The following PPARA variants were observed in gnomAD, a reference collection of about 807,000 sequenced individuals.
PPARA encodes the protein peroxisome proliferator-activated receptor alpha.
A neutral mutation model predicts 42.2 loss-of-function variants in PPARA; 22 were observed. That is an observed-to-expected ratio of 0.52 (90% CI 0.37 to 0.74). The LOEUF (loss-of-function observed/expected upper bound fraction) is 0.74, where lower values mean the gene tolerates loss of function less well. Ranked by LOEUF, PPARA falls within the 30% of genes least tolerant of loss-of-function variation. The pLI, the probability that PPARA is intolerant of heterozygous loss-of-function variation, is 0.00. For synonymous variants in PPARA, 242 were observed against 239.3 expected, an observed-to-expected ratio of 1.01 and a Z score of -0.10; for missense variants, 465 against 608.2, an observed-to-expected ratio of 0.76 and a Z score of 2.48.
chr22:46,208,313 C>T (rs530660229), intron 4 of PPARA, among the ~76,000 whole-genome samples: 2 of 152,030 alleles, frequency 1.3e-5, no homozygotes, highest in African/African-American at 4.8e-5. Context: ...TTTGGGAGGC[C>T]GAGGCGAGTG....
rs534649394 is a variant in PPARA, at chr22:46,160,127, C to T, written c.-127+8157C>T. ...GCACTGAACCCAGAGGAGCAGGCTC[C>T]CATTCCCAGCTAAGGGTGGCAGCTG... On this transcript the variant is annotated intron_variant, in intron 2 of 8. Coordinates refer to ENST00000407236, the MANE Select transcript of PPARA (RefSeq NM_005036.6). This position sits in a 1 kb window ranked among gnomAD's most constrained non-coding sequence, Gnocchi z 4.5. Among the ~76,000 whole-genome samples, 1 of 152,324 alleles carries T rather than the reference C, an allele frequency of 6.6e-6. No individual in the cohort carries two copies. Among genetic ancestry groups the T allele is most frequent in the Admixed American group, 6.5e-5 (1 of 15,304 alleles).
At chr22:46,220,802 G>C (rs1290257509) in intron 7 of PPARA, 1 of 151,990 alleles carries the variant, frequency 6.6e-6, no homozygotes, top group Non-Finnish European at 1.5e-5. Flanking sequence ...AATTAGCTGA[G>C]CAGGGTGGCA....
intron 4 of PPARA, among the ~76,000 whole-genome samples, chr22:46,209,255 C>A (rs1933695574): frequency 6.6e-6 from 1 of 152,128 alleles, no homozygotes; most frequent in African/African-American, 2.4e-5. Flanking sequence ...TATCTGGCTG[C>A]TTCTAAATTT....
chr22:46,173,030 A>C lies in PPARA; in HGVS notation c.-126-3723A>C, dbSNP rs1928339788. The stretch of plus-strand genomic sequence containing the variant: ...TTAAATGGCTTGCTTCTGCTCCCTT[A>C]GTGTTCTTGTCACTTTAAGTTGCAT... On this transcript the variant is annotated intron_variant, in intron 2 of 8. Coordinates refer to ENST00000407236, the MANE Select transcript of PPARA (RefSeq NM_005036.6). This position sits in a 1 kb window ranked among gnomAD's most constrained non-coding sequence, Gnocchi z 4.3. Among the ~76,000 whole-genome samples the C allele has an allele frequency of 6.6e-6, 1 of 152,122 alleles. No homozygotes were observed. The highest frequency in any genetic ancestry group is 2.4e-5 in the African/African-American group (1 of 41,418).
rs1936008177 is a variant in PPARA, at chr22:46,233,265, G to A, written c.1159+1026G>A. 6.6e-6 allele frequency among the ~76,000 whole-genome samples: 1 copy of A among 152,124 alleles called. No homozygotes were observed. Among genetic ancestry groups the A allele is most frequent in the Non-Finnish European group, 1.5e-5 (1 of 68,022 alleles). Reference sequence around the variant, plus strand: ...AGTGACTGCAAGGTTTGCTTTGCCCGAGGAAGCAGATCCCAGGGAAGGCCG... The same window carrying A: ...AGTGACTGCAAGGTTTGCTTTGCCCAAGGAAGCAGATCCCAGGGAAGGCCG... On this transcript the variant is annotated intron_variant, in intron 8 of 8. Coordinates refer to ENST00000407236, the MANE Select transcript of PPARA (RefSeq NM_005036.6). This position sits in a 1 kb window ranked among gnomAD's most constrained non-coding sequence, Gnocchi z 7.3.
At chr22:46,178,097 A>T (rs1281029506) in intron 3 of PPARA, among the ~76,000 whole-genome samples, 1 of 152,164 alleles carries the variant, frequency 6.6e-6, no homozygotes, top group Non-Finnish European at 1.5e-5. Context: ...CTACCCAAAG[A>T]GGCATTTTAG....
rs1270646588 is a variant in PPARA at position 46,242,573 on chromosome 22, TACTA to T, written c.*7197_*7200del. 6.5e-6 allele frequency: 1 copy of T among 152,686 alleles called. No homozygotes were observed. 9.5% of individuals were successfully genotyped at this position (152,686 alleles called of 1,614,324 possible). A position where few individuals can be genotyped will look rare whatever the true frequency, so the allele number is the denominator to read the frequency against. On this transcript the variant is annotated 3_prime_UTR_variant, in exon 9 of 9. Coordinates refer to ENST00000407236, the MANE Select transcript of PPARA (RefSeq NM_005036.6). The surrounding 1 kb of genome is among the most constrained non-coding windows in gnomAD (Gnocchi z 6.1). ...GAAAAATATCCTAATACAAATATTT[TACTA>T]ACTTACAATCACTCATTTAATAAGA...
chr22:46,159,749 G>A (rs1925868800), intron 2 of PPARA, among the ~76,000 whole-genome samples: 2 of 152,202 alleles, frequency 1.3e-5, no homozygotes, highest in Non-Finnish European at 1.5e-5. Flanking sequence ...GGGCTATCCT[G>A]GGAAGAAGGC....
intron 4 of PPARA, among the ~76,000 whole-genome samples, chr22:46,201,207 T>C (rs1185708342): frequency 6.6e-6 from 1 of 151,444 alleles, no homozygotes; most frequent in Non-Finnish European, 1.5e-5. Context: ...ACCCCGCCTC[T>C]CAGCTTGCTC....
In PPARA at chr22:46,192,907, T is replaced by C. The variant is rs1569213401; in HGVS notation, c.-42-5435T>C. Among the ~76,000 whole-genome samples, 1 of 152,182 alleles carries C rather than the reference T, an allele frequency of 6.6e-6. No individual in the cohort carries two copies. Among genetic ancestry groups the C allele is most frequent in the African/African-American group, 2.4e-5 (1 of 41,454 alleles). On this transcript the variant is annotated intron_variant, in intron 3 of 8. Transcript: ENST00000407236. This position sits in a 1 kb window ranked among gnomAD's most constrained non-coding sequence, Gnocchi z 4.3. Reference sequence around the variant, plus strand: ...GACAAACTTCACATGTTCTCACTTATTTGTGGGCTCTAAAAATCAAATCAC... The same window carrying C: ...GACAAACTTCACATGTTCTCACTTACTTGTGGGCTCTAAAAATCAAATCAC...
rs1173818300 is a variant in PPARA at position 46,218,284 on chromosome 22, C to T, written c.391C>T (p.Arg131Ter). 9 of 1,613,890 alleles carry T rather than the reference C, an allele frequency of 5.6e-6. No homozygotes were observed. Among genetic ancestry groups the T allele is most frequent in the Non-Finnish European group, 7.6e-6 (9 of 1,180,012 alleles). Residue 131 changes from arginine to a stop codon, truncating the protein, a stop_gained, in exon 6 of 9, where the codon CGA becomes TGA. Coordinates refer to ENST00000407236, the MANE Select transcript of PPARA (RefSeq NM_005036.6). LOFTEE classifies it high-confidence loss of function. ...ACAGGGCTTCTTTCGGCGAACGATT[C>T]GACTCAAGCTGGTGTATGACAAGTG... ...GCKGFFRRTI[R>*]LKLVYDKCDR...
Position 46,235,206 on chromosome 22 carries a change from C to T in PPARA, c.1233C>T (p.His411=). 1 of 1,614,112 alleles carries T rather than the reference C, an allele frequency of 6.2e-7. No individual in the cohort carries two copies. The highest frequency in any genetic ancestry group is 1.1e-5 in the South Asian group (1 of 91,084). ...GTATTGTACATGTGCTCAGACTCCA[C>T]CTGCAGAGCAACCACCCGGACGATA... ...QEGIVHVLRL[H]LQSNHPDDIF... Residue 411 remains histidine, a synonymous_variant, in exon 9 of 9, where the codon CAC becomes CAT. Transcript: ENST00000407236. This position sits in a 1 kb window ranked among gnomAD's most constrained non-coding sequence, Gnocchi z 7.0.
At chr22:46,208,478 GC>G (rs1225353525) in intron 4 of PPARA, among the ~76,000 whole-genome samples, 1 of 151,396 alleles carries the variant, frequency 6.6e-6, no homozygotes, top group Non-Finnish European at 1.5e-5. Context: ...AACCCAAGAG[GC>G]AGAGGCTGCA....
intron 7 of PPARA, among the ~76,000 whole-genome samples, chr22:46,229,558 C>CA (rs765912866): frequency 0.034 from 4,249 of 123,408 alleles, 114 homozygotes; most frequent in African/African-American, 0.092. Flanking sequence ...GACTCTGTCT[C>CA]AAAAAAAAAA....
rs554744160 is a variant in PPARA, at chr22:46,241,855, G to A, written c.*6475G>A. On this transcript the variant is annotated 3_prime_UTR_variant, in exon 9 of 9. Coordinates refer to ENST00000407236, the MANE Select transcript of PPARA (RefSeq NM_005036.6). This position sits in a 1 kb window ranked among gnomAD's most constrained non-coding sequence, Gnocchi z 5.7. ...CCATGTTCAATATCATGTCTTGATG[G>A]ACGCAGCTGATGACCTCAAATACTT... is the stretch of plus-strand genomic sequence containing the variant. The A allele has an allele frequency of 2.0e-5, 3 of 150,342 alleles. No individual in the cohort carries two copies. In the East Asian group the frequency reaches 5.8e-4, roughly 29 times the overall value. The allele number at this position is 150,342 out of a possible 1,614,324, so 9.3% of individuals were successfully genotyped here.
rs567011789 is a variant in PPARA at position 46,210,498 on chromosome 22, G to A, written c.209-4675G>A. On this transcript the variant is annotated intron_variant, in intron 4 of 8. Coordinates refer to ENST00000407236, the MANE Select transcript of PPARA (RefSeq NM_005036.6). ...TACTCTCTCACCCAGGCTGTAGTGC[G>A]ATGGCACAATCTTGGCTCACTGCAA... is the stretch of plus-strand genomic sequence containing the variant. Among the ~76,000 whole-genome samples, 371 of 150,910 alleles carry A rather than the reference G, an allele frequency of 2.5e-3. 4 individuals carry two copies. The highest frequency in any genetic ancestry group is 7.5e-3 in the African/African-American group (307 of 41,130).
In PPARA at chr22:46,192,102, G is replaced by C. The variant is rs1931645079; in HGVS notation, c.-42-6240G>C. On this transcript the variant is annotated intron_variant, in intron 3 of 8. Transcript: ENST00000407236. This position sits in a 1 kb window ranked among gnomAD's most constrained non-coding sequence, Gnocchi z 4.3. The stretch of plus-strand genomic sequence containing the variant: ...AGAAAGAAATAGACATTGAACACCT[G>C]CTACACAGCAGGGATTGTGCTAGAA... Among the ~76,000 whole-genome samples the C allele has an allele frequency of 6.6e-6, 1 of 152,150 alleles. No individual in the cohort carries two copies. Among genetic ancestry groups the C allele is most frequent in the Admixed American group, 6.5e-5 (1 of 15,268 alleles).
In PPARA at chr22:46,184,760, C is replaced by T. The variant is rs1356915606; in HGVS notation, c.-43+7924C>T. Among the ~76,000 whole-genome samples the T allele has an allele frequency of 6.6e-6, 1 of 152,200 alleles. No individual in the cohort carries two copies. The highest frequency in any genetic ancestry group is 1.5e-5 in the Non-Finnish European group (1 of 68,028). The stretch of plus-strand genomic sequence containing the variant: ...GTACCAGCTATTCGGGAGGCTGAGG[C>T]ACGAGAATTGCTTTAACCTGGGAGG... On this transcript the variant is annotated intron_variant, in intron 3 of 8. Coordinates refer to ENST00000407236, the MANE Select transcript of PPARA (RefSeq NM_005036.6). This position sits in a 1 kb window ranked among gnomAD's most constrained non-coding sequence, Gnocchi z 4.4.
chr22:46,209,793 T>G (rs1301721352), intron 4 of PPARA, among the ~76,000 whole-genome samples: 1 of 152,212 alleles, frequency 6.6e-6, no homozygotes, highest in Admixed American at 6.5e-5. Context: ...TTACTCAGGC[T>G]GGAGCGCAGT....
Sources: allele counts gnomAD v4.1 joint callset (sites outside exome capture counted in the v4.1 genomes callset), GRCh38; gene constraint gnomAD v4.1.1; non-coding constraint Gnocchi (gnomAD v3.1); transcripts MANE v1.5; gene names NCBI Gene and HGNC (gene_info 2026-07-23, HGNC 2026-07-21).